TMEM17: variants seen among roughly 807,000 people sequenced by gnomAD.
TMEM17 encodes transmembrane protein 17.
TMEM17 carries 15 observed loss-of-function variants against 19.1 expected under a neutral mutation model. The observed-to-expected ratio is 0.78, with a 90% CI of 0.52 to 1.21. The LOEUF is 1.21. Ranked by LOEUF, TMEM17 falls within the 50% of genes most tolerant of loss-of-function variation. The pLI is 0.00. For synonymous variants in TMEM17, 103 were observed against 86.9 expected, an observed-to-expected ratio of 1.19 and a Z score of -1.03; for missense variants, 245 against 242.3, an observed-to-expected ratio of 1.01 and a Z score of -0.07.
At chr2:62,458,844 C>G in the TMEM17 span, among the ~76,000 whole-genome samples, 1 of 152,198 alleles carries the variant, frequency 6.6e-6, no homozygotes, top group African/African-American at 2.4e-5. Flanking sequence ...TGTGTTTGTC[C>G]TCTCTAATCA....
chr2:62,487,351 G>A, the TMEM17 span, among the ~76,000 whole-genome samples: 4 of 151,908 alleles, frequency 2.6e-5, no homozygotes, highest in Non-Finnish European at 4.4e-5. Context: ...TCCTCATTTC[G>A]GTTCTCTTGT....
At chr2:62,475,874 A>G in the TMEM17 span, among the ~76,000 whole-genome samples, 1 of 152,190 alleles carries the variant, frequency 6.6e-6, no homozygotes, top group Non-Finnish European at 1.5e-5. Flanking sequence ...GAGAACAATT[A>G]ATTGCCATGT....
the TMEM17 span, among the ~76,000 whole-genome samples, chr2:62,454,030 CT>C: frequency 7.9e-5 from 12 of 152,236 alleles, no homozygotes; most frequent in Non-Finnish European, 1.8e-4. Context: ...CTAGAAGGAA[CT>C]CTTTTACTTA....
At chr2:62,480,863 G>A in the TMEM17 span, among the ~76,000 whole-genome samples, 7 of 152,188 alleles carry the variant, frequency 4.6e-5, 1 homozygote, top group South Asian at 1.0e-3. Context: ...TGTTCTTTTT[G>A]TTGAGGATTA....
chr2:62,476,929 G>A, the TMEM17 span, among the ~76,000 whole-genome samples: 5 of 152,180 alleles, frequency 3.3e-5, no homozygotes, highest in Admixed American at 2.6e-4. Flanking sequence ...CCTCCCTGGA[G>A]AGTTGAGCCC....
chr2:62,506,018 T>G lies in TMEM17; in HGVS notation c.100+12A>C, dbSNP rs201397038. ...CAGGCCACACCCCCTGCACCGGGCC[T>G]CGGTCACTCACCCGGACCCTCATTG... is the stretch of plus-strand genomic sequence containing the variant. On this transcript the variant is annotated intron_variant, in intron 1 of 3. Transcript: ENST00000335390. 1 of 1,604,234 alleles carries G rather than the reference T, an allele frequency of 6.2e-7. No individual in the cohort carries two copies. The highest frequency in any genetic ancestry group is 1.3e-5 in the African/African-American group (1 of 74,434).
the TMEM17 span, among the ~76,000 whole-genome samples, chr2:62,454,732 C>T: frequency 1.3e-5 from 2 of 152,180 alleles, no homozygotes; most frequent in Non-Finnish European, 2.9e-5. Context: ...GAGATGGAGT[C>T]TCACTCTGTC....
rs114959865 is a variant in TMEM17 at position 62,501,694 on chromosome 2, T to C, written c.319-207A>G. ...GTAAAACAATCCTAGAATACTACAC[T>C]TTAGTGAACAATTAAGTGCAATATT... On this transcript the variant is annotated intron_variant, in intron 3 of 3. Transcript: ENST00000335390. 4,466 of 534,572 alleles carry C rather than the reference T, an allele frequency of 8.4e-3. 136 individuals carry two copies. The highest frequency in any genetic ancestry group is 0.075 in the African/African-American group (3,949 of 52,982). 33.1% of individuals were successfully genotyped at this position (534,572 alleles called of 1,614,324 possible). A position where few individuals can be genotyped will look rare whatever the true frequency, so the allele number is the denominator to read the frequency against.
chr2:62,494,223 G>A, the TMEM17 span, among the ~76,000 whole-genome samples: 2 of 152,136 alleles, frequency 1.3e-5, no homozygotes, highest in African/African-American at 2.4e-5. Flanking sequence ...AAATCATAGC[G>A]TACTAAAAAT....
intron 3 of TMEM17, chr2:62,501,772 A>C: frequency 3.6e-6 from 1 of 281,406 alleles, no homozygotes; most frequent in Non-Finnish European, 6.6e-6. Context: ...AGGGTAGGTG[A>C]AAGAAAGACC....
the TMEM17 span, among the ~76,000 whole-genome samples, chr2:62,457,246 C>A: frequency 6.6e-6 from 1 of 152,246 alleles, no homozygotes; most frequent in Non-Finnish European, 1.5e-5. This position sits in a 1 kb window ranked among gnomAD's most constrained non-coding sequence, Gnocchi z 4.2. Context: ...AGCCCCGCAG[C>A]CTTTTGTGTC....
chr2:62,501,224 A>T lies in TMEM17; in HGVS notation c.582T>A (p.Cys194Ter). 6.2e-7 allele frequency: 1 copy of T among 1,614,194 alleles called. No homozygotes were observed. The highest frequency in any genetic ancestry group is 1.7e-5 in the Admixed American group (1 of 60,026). ...CAACACTGGATCAGATCTCTTCTAT[A>T]CATGACCTCATCCTTCTCATGTCTC... The part of the protein sequence containing the change: ...NRGDMRRMRS[C>*]IEEI Residue 194 changes from cysteine to a stop codon, truncating the protein, a stop_gained, in exon 4 of 4, where the codon TGT (cysteine) becomes TGA (stop). Transcript: ENST00000335390. LOFTEE classifies it high-confidence loss of function.
chr2:62,499,818 T>C (rs1679873993), downstream of TMEM17, among the ~76,000 whole-genome samples: 1 of 152,240 alleles, frequency 6.6e-6, no homozygotes, highest in Non-Finnish European at 1.5e-5. Context: ...GAACATATCA[T>C]ATCCATTAAG....
At chr2:62,501,531 A>C (rs1244774124) in intron 3 of TMEM17, 44 bp from the exon 4 acceptor site, 1 of 1,566,618 alleles carries the variant, frequency 6.4e-7, no homozygotes, top group African/African-American at 1.4e-5. Flanking sequence ...AGTAAAATAC[A>C]GTTTCTGTTT....
chr2:62,474,581 T>C, the TMEM17 span, among the ~76,000 whole-genome samples: 1 of 152,214 alleles, frequency 6.6e-6, no homozygotes, highest in Non-Finnish European at 1.5e-5. Context: ...ACCTACTGTA[T>C]GGCAGCTACT....
downstream of TMEM17, among the ~76,000 whole-genome samples, chr2:62,498,470 A>G (rs948952574): frequency 6.6e-6 from 1 of 151,062 alleles, no homozygotes. Context: ...TAATCCCAGC[A>G]CTTTGGGAGG....
At chr2:62,505,889 C>G (rs1413525669) in intron 1 of TMEM17, 141 bp downstream of exon 1, 2 of 859,932 alleles carry the variant, frequency 2.3e-6, no homozygotes, top group Non-Finnish European at 3.6e-6. Flanking sequence ...CCGGCCCCTC[C>G]TCCAAGGCGC....
the TMEM17 span, among the ~76,000 whole-genome samples, chr2:62,454,126 A>G: frequency 6.6e-6 from 1 of 152,310 alleles, no homozygotes; most frequent in Admixed American, 6.5e-5. Flanking sequence ...GGCAGCTCTG[A>G]TCTTGCTGCA....
chr2:62,497,106 T>C (rs78883766), downstream of TMEM17, among the ~76,000 whole-genome samples: 882 of 152,352 alleles, frequency 5.8e-3, 9 homozygotes, highest in African/African-American at 0.02. Flanking sequence ...AAAATACAAA[T>C]TATCTTTAAA....
Sources: gnomAD v4.1 joint callset for allele counts (sites outside exome capture counted in the v4.1 genomes callset) on GRCh38, gnomAD v4.1.1 for gene constraint, Gnocchi (gnomAD v3.1) non-coding constraint, MANE v1.5 for transcripts, NCBI Gene and HGNC (gene_info 2026-07-23, HGNC 2026-07-21) for gene names.